SMCO2: variants seen among roughly 807,000 people sequenced by gnomAD.
SMCO2 encodes the protein single-pass membrane and coiled-coil domain-containing protein 2.
SMCO2 carries 25 observed loss-of-function variants against 29.5 expected under a neutral mutation model. That is an observed-to-expected ratio of 0.85 (90% confidence interval 0.62 to 1.18). The LOEUF (loss-of-function observed/expected upper bound fraction) is 1.18, where lower values mean the gene tolerates loss of function less well. Among genes scored for constraint, SMCO2 ranks in the 50% most tolerant of loss-of-function variants. SMCO2 has a pLI of 0.00. For synonymous variants in SMCO2, 117 were observed against 123.3 expected (o/e 0.95, Z 0.34); for missense variants, 348 against 344.5 (o/e 1.01, Z -0.08).
At chr12:27,472,653 T>C (rs745900607) in intron 2 of SMCO2, 123 bp from the exon 3 acceptor site, 1 of 610,580 alleles carries the variant, frequency 1.6e-6, no homozygotes, top group Non-Finnish European at 2.8e-6. Context: ...AGTACAAGGA[T>C]AGCAGATGCT....
At chr12:27,466,264 A>G (rs553235683), upstream of SMCO2, among the ~76,000 whole-genome samples, 60 of 152,198 alleles carry the variant, frequency 3.9e-4, no homozygotes, top group South Asian at 8.3e-4. Flanking sequence ...TCTACTAAAA[A>G]TACAAAAATT....
At chr12:27,434,519 T>C in the SMCO2 span, among the ~76,000 whole-genome samples, 1 of 152,308 alleles carries the variant, frequency 6.6e-6, no homozygotes, top group African/African-American at 2.4e-5. Flanking sequence ...CCTCCTTCTG[T>C]AGCAAAATTG....
At chr12:27,463,988 T>C (rs374699885), upstream of SMCO2, among the ~76,000 whole-genome samples, 3 of 152,308 alleles carry the variant, frequency 2.0e-5, no homozygotes, top group East Asian at 5.8e-4. Context: ...AGTATACTTA[T>C]ACATCTGTTT....
At chr12:27,429,507 C>T in the SMCO2 span, among the ~76,000 whole-genome samples, 2 of 151,738 alleles carry the variant, frequency 1.3e-5, no homozygotes, top group African/African-American at 4.8e-5. Flanking sequence ...CCCACCTTAG[C>T]CCTAATTCTT....
chr12:27,423,359 T>G, the SMCO2 span: 1 of 134,156 alleles, frequency 7.5e-6, no homozygotes, highest in Admixed American at 8.8e-5. Context: ...AGATGGAGTC[T>G]CGCTCTATCG....
intron 7 of SMCO2, 107 bp from the exon 9 acceptor site, chr12:27,501,816 A>G: frequency 3.7e-6 from 3 of 821,754 alleles, no homozygotes; most frequent in Non-Finnish European, 5.4e-6. Flanking sequence ...AGTCAAGAGA[A>G]AATTACTTAG....
In SMCO2 at chr12:27,470,732, A is replaced by G. The variant is rs1232932779; in HGVS notation, c.101A>G (p.Gln34Arg). The G allele has an allele frequency of 6.4e-6, 10 of 1,551,002 alleles. No individual in the cohort carries two copies. In the East Asian group the frequency reaches 1.5e-4, roughly 23 times the overall value. Residue 34 changes from glutamine to arginine, a missense_variant, in exon 2 of 8, where the codon CAA (glutamine) becomes CGA (arginine). Physicochemically the swap from Gln to Arg is conservative, Grantham distance 43. Transcript: ENST00000298876. ...ACTAAGAAAAACAATGGCTTTTTCCAAAAGCTCAATGTGACTGAAGGTGCA... is the reference window on the plus strand; with the variant it reads ...ACTAAGAAAAACAATGGCTTTTTCCGAAAGCTCAATGTGACTGAAGGTGCA...
chr12:27,484,272 G>A (rs750972105), intron 4 of SMCO2, among the ~76,000 whole-genome samples: 10 of 152,094 alleles, frequency 6.6e-5, no homozygotes, highest in Admixed American at 3.3e-4. Flanking sequence ...CCCGCTGCTC[G>A]GGAGGTTGAG....
the SMCO2 span, among the ~76,000 whole-genome samples, chr12:27,441,629 C>A: frequency 5.3e-5 from 8 of 152,006 alleles, no homozygotes; most frequent in Non-Finnish European, 1.2e-4. Flanking sequence ...CATTATAGTG[C>A]GGGCTTTAAC....
intron 3 of SMCO2, 128 bp from the exon 4 acceptor site, chr12:27,474,658 G>A (rs1193626636): frequency 3.7e-6 from 4 of 1,072,248 alleles, no homozygotes; most frequent in Admixed American, 2.6e-5. Context: ...AGATGCATCA[G>A]AAAGCTCCAG....
chr12:27,465,020 C>A (rs1949487372), upstream of SMCO2, among the ~76,000 whole-genome samples: 1 of 133,218 alleles, frequency 7.5e-6, no homozygotes, highest in Admixed American at 7.6e-5. Context: ...CAGAGGGAGA[C>A]CCTGTCTCAA....
the SMCO2 span, among the ~76,000 whole-genome samples, chr12:27,454,527 A>T: frequency 6.6e-6 from 1 of 152,176 alleles, no homozygotes; most frequent in Non-Finnish European, 1.5e-5. Flanking sequence ...TTTCTGTGGT[A>T]TTAAACACAT....
At chr12:27,438,750 T>C in the SMCO2 span, among the ~76,000 whole-genome samples, 1 of 148,956 alleles carries the variant, frequency 6.7e-6, no homozygotes, top group East Asian at 2.0e-4. Context: ...GCAAGCTGGC[T>C]TCTCCCCCCA....
chr12:27,474,743 C>G (rs424880), intron 3 of SMCO2, 43 bp from the exon 4 acceptor site: 86,966 of 1,549,252 alleles, frequency 0.056, 7,103 homozygotes, highest in East Asian at 0.28. Context: ...ACATCTTGTA[C>G]TAACCTTTTG....
the SMCO2 span, among the ~76,000 whole-genome samples, chr12:27,449,454 A>T: frequency 2.6e-5 from 4 of 152,262 alleles, no homozygotes; most frequent in African/African-American, 4.8e-5. Flanking sequence ...ATTAAAATTA[A>T]TTGTGAGAAA....
the SMCO2 span, among the ~76,000 whole-genome samples, chr12:27,451,934 A>T: frequency 4.6e-5 from 7 of 152,168 alleles, no homozygotes; most frequent in Non-Finnish European, 8.8e-5. Flanking sequence ...GGAGCCTTTT[A>T]TTACCACTGT....
At chr12:27,450,080 G>C in the SMCO2 span, among the ~76,000 whole-genome samples, 1 of 152,182 alleles carries the variant, frequency 6.6e-6, no homozygotes, top group African/African-American at 2.4e-5. Context: ...GGATTCTGTG[G>C]GCCACATTCA....
the SMCO2 span, among the ~76,000 whole-genome samples, chr12:27,430,944 G>C: frequency 1.3e-5 from 2 of 151,944 alleles, no homozygotes; most frequent in Admixed American, 1.3e-4. Flanking sequence ...TGCTCTCGGG[G>C]ACCCTAACCC....
intron 5 of SMCO2, among the ~76,000 whole-genome samples, chr12:27,492,033 C>T (rs1592217400): frequency 6.6e-6 from 1 of 152,106 alleles, no homozygotes; most frequent in Non-Finnish European, 1.5e-5. Context: ...ACAATTAAAA[C>T]ATTATGAAAT....
Sources: gnomAD v4.1 joint callset for allele counts (sites outside exome capture counted in the v4.1 genomes callset) on GRCh38, gnomAD v4.1.1 for gene constraint, MANE v1.5 for transcripts, NCBI Gene and HGNC (gene_info 2026-07-23, HGNC 2026-07-21) for gene names.